Variants in PPP6R1 observed in about 807,000 individuals in gnomAD.
PPP6R1 encodes serine/threonine-protein phosphatase 6 regulatory subunit 1.
Under a neutral mutation model 104.6 loss-of-function variants are expected in PPP6R1, and 39 were observed. That is an observed-to-expected ratio of 0.37 (90% CI 0.29 to 0.49). PPP6R1 has a LOEUF of 0.49. Among genes scored for constraint, PPP6R1 ranks in the 20% least tolerant of loss-of-function variants. The probability of loss-of-function intolerance (pLI) is 0.98; values close to 1 mark genes in which losing one functional copy is unlikely to be tolerated. For missense variants in PPP6R1, 1,181 were observed against 1,155.8 expected (o/e 1.02, Z -0.32); for synonymous variants, 549 against 479.0 (o/e 1.15, Z -1.91).
intron 19 of PPP6R1, 25 bp from the exon 20 acceptor site, chr19:55,231,693 A>G: frequency 6.3e-7 from 1 of 1,576,220 alleles, no homozygotes; most frequent in South Asian, 1.2e-5. Flanking sequence ...AGGCAGCCCA[A>G]GGGGGCAGCT....
chr19:55,239,951 G>C, intron 12 of PPP6R1, 40 bp from the exon 13 acceptor site: 7 of 1,612,634 alleles, frequency 4.3e-6, no homozygotes, highest in Non-Finnish European at 5.9e-6. Flanking sequence ...GGCATCTCGG[G>C]GCTTCAAGCC....
rs1192403219 is a variant in PPP6R1 at position 55,246,068 on chromosome 19, T to C, written c.228-390A>G. On this transcript the variant is annotated intron_variant, in intron 2 of 23. Transcript: ENST00000412770. ...TCAACTTCCAACCTCACCTCCTGCC[T>C]CCCTCCTCCAAACTTTCACACGGTG... Among the ~76,000 whole-genome samples the C allele has an allele frequency of 7.9e-5, 12 of 152,154 alleles. No homozygotes were observed. The East Asian group carries it at 2.1e-3, about 27-fold the overall frequency.
intron 1 of PPP6R1, among the ~76,000 whole-genome samples, chr19:55,257,492 T>C (rs1036073224): frequency 2.6e-5 from 4 of 152,174 alleles, no homozygotes; most frequent in Admixed American, 6.5e-5. Flanking sequence ...GCGGAACTAC[T>C]CTGCCCCTCA....
chr19:55,230,876 C>G lies in PPP6R1; in HGVS notation c.2468G>C (p.Arg823Thr), dbSNP rs2087337586. 6.2e-7 allele frequency: 1 copy of G among 1,605,382 alleles called. No individual in the cohort carries two copies. Among genetic ancestry groups the G allele is most frequent in the Non-Finnish European group, 8.5e-7 (1 of 1,178,392 alleles). ...SAPSSSDSAT[R>T]DPSTSVPASG... Reference sequence around the variant, plus strand: ...GGCTGGGACAGAGGTAGAGGGGTCTCTGGTTGCACTGTGGGTGAGAGGCAG... The same window carrying G: ...GGCTGGGACAGAGGTAGAGGGGTCTGTGGTTGCACTGTGGGTGAGAGGCAG... The change falls in exon 22 of 24, where the codon AGA becomes ACA. Residue 823 changes from arginine (R) to threonine (T), a missense_variant. By Grantham distance (71) the Arg-to-Thr change is moderately conservative (BLOSUM62 -1). Transcript: ENST00000412770.
rs1195497866 is a variant in PPP6R1 at position 55,245,565 on chromosome 19, C to T, written c.341G>A (p.Gly114Asp). The T allele has an allele frequency of 6.2e-7, 1 of 1,612,142 alleles. No homozygotes were observed. The highest frequency in any genetic ancestry group is 8.5e-7 in the Non-Finnish European group (1 of 1,179,252). ...GCTGGCCAGCAGTGGGTTGAGGCTG[C>T]CGGTGCTCTGCAGGAAGCCGTAGAG... is the stretch of plus-strand genomic sequence containing the variant. The part of the protein sequence containing the change: ...NRLYGFLQST[G>D]SLNPLLASFF... Residue 114 changes from glycine (G) to aspartate (D), a missense_variant, in exon 3 of 24, where the codon GGC (glycine) becomes GAC (aspartate). Gly to Asp is a moderately conservative substitution (Grantham distance 94). Around this residue, in one of 2 missense-constraint regions of PPP6R1, gnomAD observed 139 missense variants for 200.1 expected, o/e 0.69. Transcript: ENST00000412770. The surrounding 1 kb of genome is among the most constrained non-coding windows in gnomAD (Gnocchi z 6.4).
rs769233524 is a variant in PPP6R1 at position 55,241,304 on chromosome 19, G to A, written c.1096C>T (p.Leu366=). The part of the protein sequence containing the change: ...LHVVKLLASA[L]SANDAALTHE... The stretch of plus-strand genomic sequence containing the variant: ...GTCAGGGCTGCATCATTGGCGCTCA[G>A]GGCACTGGCCAGGAGCTTGACCACG... Residue 366 remains leucine (L), a synonymous_variant, in exon 9 of 24, where the codon CTG becomes TTG. Transcript: ENST00000412770. The surrounding 1 kb of genome is among the most constrained non-coding windows in gnomAD (Gnocchi z 5.4). The A allele has an allele frequency of 6.2e-7, 1 of 1,611,594 alleles. No individual in the cohort carries two copies. The highest frequency in any genetic ancestry group is 2.2e-5 in the East Asian group (1 of 44,874).
At chr19:55,257,753 GT>G (rs1385977409) in intron 1 of PPP6R1, among the ~76,000 whole-genome samples, 2 of 152,216 alleles carry the variant, frequency 1.3e-5, no homozygotes, top group Non-Finnish European at 2.9e-5. Flanking sequence ...CTCTGCCTTT[GT>G]ACCCCCTCCA....
intron 17 of PPP6R1, 143 bp from the exon 18 acceptor site, chr19:55,232,354 G>A: frequency 7.8e-7 from 1 of 1,280,926 alleles, no homozygotes. Flanking sequence ...AGCCTGGGGT[G>A]TGACGACACC....
intron 1 of PPP6R1, among the ~76,000 whole-genome samples, chr19:55,254,760 A>G (rs1444935441): frequency 2.0e-5 from 3 of 152,120 alleles, no homozygotes; most frequent in Non-Finnish European, 2.9e-5. Context: ...GCTGGCCAGC[A>G]CCCAGCTCCT....
intron 1 of PPP6R1, among the ~76,000 whole-genome samples, chr19:55,254,566 A>T (rs1193281769): frequency 1.3e-5 from 2 of 152,040 alleles, no homozygotes; most frequent in African/African-American, 2.4e-5. Flanking sequence ...CCCATGCTTC[A>T]TCTGTCACCC....
chr19:55,237,079 G>A (rs901666871), intron 15 of PPP6R1, 109 bp from the exon 16 acceptor site: 385 of 1,220,916 alleles, frequency 3.2e-4, no homozygotes, highest in Middle Eastern at 3.8e-4. Flanking sequence ...CTCATTACTT[G>A]CAGATTTGGT....
In PPP6R1 at chr19:55,241,303, A is replaced by G; in HGVS notation, c.1097T>C (p.Leu366Pro). 6.2e-7 allele frequency: 1 copy of G among 1,611,562 alleles called. No homozygotes were observed. The highest frequency in any genetic ancestry group is 8.5e-7 in the Non-Finnish European group (1 of 1,179,696). Residue 366 changes from leucine to proline, a missense_variant, in exon 9 of 24, where the codon CTG (leucine) becomes CCG (proline). Coordinates refer to ENST00000412770, the MANE Select transcript of PPP6R1 (RefSeq NM_014931.4). This position sits in a 1 kb window ranked among gnomAD's most constrained non-coding sequence, Gnocchi z 5.4. The part of the protein sequence containing the change: ...LHVVKLLASA[L>P]SANDAALTHE... ...CGTCAGGGCTGCATCATTGGCGCTCAGGGCACTGGCCAGGAGCTTGACCAC... is the reference window on the plus strand; with the variant it reads ...CGTCAGGGCTGCATCATTGGCGCTCGGGGCACTGGCCAGGAGCTTGACCAC...
In PPP6R1 at chr19:55,241,695, C is replaced by A; in HGVS notation, c.846-56G>T. On this transcript the variant is annotated intron_variant, in intron 7 of 23. Coordinates refer to ENST00000412770, the MANE Select transcript of PPP6R1 (RefSeq NM_014931.4). This position sits in a 1 kb window ranked among gnomAD's most constrained non-coding sequence, Gnocchi z 5.4. ...AGCCTAGATGGCCTGTGCGCCCACA[C>A]AGGAGTAGGCACAAGGACCACGTCT... 2 of 1,483,370 alleles carry A rather than the reference C, an allele frequency of 1.3e-6. No homozygotes were observed. Among genetic ancestry groups the A allele is most frequent in the Non-Finnish European group, 1.8e-6 (2 of 1,112,430 alleles). The allele number at this position is 1,483,370 out of a possible 1,614,324, so 91.9% of individuals were successfully genotyped here. A position where few individuals can be genotyped will look rare whatever the true frequency, so the allele number is the denominator to read the frequency against.
In PPP6R1 at chr19:55,240,219, G is replaced by C; in HGVS notation, c.1361+17C>G. The C allele has an allele frequency of 1.3e-6, 2 of 1,581,562 alleles. No homozygotes were observed. The highest frequency in any genetic ancestry group is 1.7e-6 in the Non-Finnish European group (2 of 1,164,286). On this transcript the variant is annotated intron_variant, in intron 11 of 23. Coordinates refer to ENST00000412770, the MANE Select transcript of PPP6R1 (RefSeq NM_014931.4). ...CAGCCCCAGCCCCTGGAGACATGAA[G>C]GGCAGCAGGTGCTCACTGTACACGG...
chr19:55,231,499 G>A lies in PPP6R1; in HGVS notation c.2378-8C>T. 1.9e-6 allele frequency: 3 copies of A among 1,604,310 alleles called. No homozygotes were observed. Among genetic ancestry groups the A allele is most frequent in the Non-Finnish European group, 2.6e-6 (3 of 1,175,168 alleles). ...CCAAGGCCTGGCAAGGGGCTGTGGG[G>A]GATAAGAGATCTCAGCTGCAGCTCC... On this transcript the variant is annotated splice_polypyrimidine_tract_variant and splice_region_variant and intron_variant, in intron 20 of 23. Coordinates refer to ENST00000412770, the MANE Select transcript of PPP6R1 (RefSeq NM_014931.4).
Position 55,240,045 on chromosome 19 carries a change from G to A in PPP6R1, c.1431C>T (p.Asn477=). 3.7e-6 allele frequency: 6 copies of A among 1,603,598 alleles called. No individual in the cohort carries two copies. The highest frequency in any genetic ancestry group is 5.1e-6 in the Non-Finnish European group (6 of 1,176,576). The change falls in exon 12 of 24, where the codon AAC becomes AAT. Residue 477 remains asparagine (N), a synonymous_variant. Coordinates refer to ENST00000412770, the MANE Select transcript of PPP6R1 (RefSeq NM_014931.4). ...LTRVAGALVQ[N]TEKGPNAEQL... Reference sequence around the variant, plus strand: ...GCTCTGCATTGGGCCCCTTCTCCGTGTTCTGCACCAGGGCACCGGCCACTC... The same window carrying A: ...GCTCTGCATTGGGCCCCTTCTCCGTATTCTGCACCAGGGCACCGGCCACTC...
rs1483963712 is a variant in PPP6R1, at chr19:55,241,219, G to C, written c.1161+20C>G. 5.0e-6 allele frequency: 6 copies of C among 1,203,514 alleles called. No homozygotes were observed. Among genetic ancestry groups the C allele is most frequent in the Non-Finnish European group, 6.5e-6 (6 of 927,968 alleles). 74.6% of individuals were successfully genotyped at this position (1,203,514 alleles called of 1,614,324 possible). ...CCCCGCCCCAGCCCCTGAACCCCCA[G>C]CCCGGTCCAGTCCCCGCACCAGCAT... On this transcript the variant is annotated intron_variant, in intron 9 of 23. Transcript: ENST00000412770. The surrounding 1 kb of genome is among the most constrained non-coding windows in gnomAD (Gnocchi z 5.4).
At chr19:55,249,400 C>A (rs1052585657) in intron 1 of PPP6R1, among the ~76,000 whole-genome samples, 1 of 152,204 alleles carries the variant, frequency 6.6e-6, no homozygotes, top group South Asian at 2.1e-4. Context: ...TGCCACCACA[C>A]CCGGCTAATT....
chr19:55,243,035 G>T (rs1352906209), intron 5 of PPP6R1, among the ~76,000 whole-genome samples: 1 of 152,132 alleles, frequency 6.6e-6, no homozygotes, highest in African/African-American at 2.4e-5. Flanking sequence ...AGCTGCTAAT[G>T]AACACAGGGC....
Sources: gnomAD v4.1 joint callset for allele counts (sites outside exome capture counted in the v4.1 genomes callset) on GRCh38, gnomAD v4.1.1 for gene constraint, gnomAD v4.1.1 regional missense constraint, Gnocchi (gnomAD v3.1) non-coding constraint, MANE v1.5 for transcripts, NCBI Gene and HGNC (gene_info 2026-07-23, HGNC 2026-07-21) for gene names.